Variants in TENM4 observed in about 807,000 individuals in gnomAD.
TENM4 encodes the protein teneurin-4.
In TENM4, 82 loss-of-function variants were observed where a neutral mutation model predicts 243.3. That is an observed-to-expected ratio of 0.34 (90% CI 0.28 to 0.40). The LOEUF is 0.40. TENM4 is among the 10% of genes least tolerant of loss of function. The pLI, the probability that TENM4 is intolerant of heterozygous loss-of-function variation, is 1.00. For synonymous variants in TENM4, 1,412 were observed against 1,456.3 expected, an observed-to-expected ratio of 0.97 and a Z score of 0.69; for missense variants, 3,138 against 3,673.3, an observed-to-expected ratio of 0.85 and a Z score of 3.77.
intron 6 of TENM4, among the ~76,000 whole-genome samples, chr11:78,907,394 G>A (rs1856087778): frequency 6.6e-6 from 1 of 152,082 alleles, no homozygotes; most frequent in Admixed American, 6.5e-5. Context: ...TTTATTGAAT[G>A]CCTATTCTGT....
intron 4 of TENM4, chr11:79,093,432 G>A (rs1337165969): frequency 1.3e-5 from 2 of 152,260 alleles, no homozygotes; most frequent in Non-Finnish European, 2.9e-5. Flanking sequence ...GTGGAGTAGA[G>A]CAACTTTCCC....
At chr11:78,792,738 G>A (rs1349440209) in intron 15 of TENM4, among the ~76,000 whole-genome samples, 1 of 152,200 alleles carries the variant, frequency 6.6e-6, no homozygotes, top group African/African-American at 2.4e-5. Context: ...TCAGTGCCAC[G>A]TTGTACACAG....
intron 20 of TENM4, among the ~76,000 whole-genome samples, chr11:78,734,525 C>T (rs1221057242): frequency 1.3e-5 from 2 of 148,536 alleles, no homozygotes; most frequent in Admixed American, 1.3e-4. Flanking sequence ...TTTCCAGCTT[C>T]TTATTCACTG....
chr11:79,355,755 A>G (rs1857486842), intron 1 of TENM4, among the ~76,000 whole-genome samples: 2 of 152,240 alleles, frequency 1.3e-5, no homozygotes, highest in African/African-American at 4.8e-5. Flanking sequence ...ACAGAAGAGG[A>G]AAACTGAGAC....
intron 3 of TENM4, among the ~76,000 whole-genome samples, chr11:79,182,922 A>T (rs1863311953): frequency 6.6e-6 from 1 of 152,218 alleles, no homozygotes; most frequent in Admixed American, 6.5e-5. Context: ...GCTAGTGAGG[A>T]TGTGGAGCAG....
At chr11:79,260,075 A>G (rs1855770321) in intron 2 of TENM4, among the ~76,000 whole-genome samples, 1 of 152,216 alleles carries the variant, frequency 6.6e-6, no homozygotes, top group Admixed American at 6.5e-5. Flanking sequence ...TTTTTGTAGA[A>G]TGAACAAACA....
In TENM4 at chr11:78,722,954, G is replaced by C. The variant is rs766774412; in HGVS notation, c.3551-37C>G. On this transcript the variant is annotated intron_variant, in intron 23 of 33. Transcript: ENST00000278550. ...AAAGAACAGAATTGCCTGTGGAGCA[G>C]GAAATGGGTATCTTTTCCTGTGGTT... 121 of 1,601,926 alleles carry C rather than the reference G, an allele frequency of 7.6e-5. No individual in the cohort carries two copies. In the South Asian group the frequency reaches 1.1e-3, roughly 15 times the overall value.
chr11:78,963,289 C>A (rs1411752415), intron 6 of TENM4, among the ~76,000 whole-genome samples: 2 of 152,240 alleles, frequency 1.3e-5, no homozygotes, highest in Non-Finnish European at 2.9e-5. Context: ...AAACTCCCAA[C>A]TCTTCAGAAG....
intron 6 of TENM4, among the ~76,000 whole-genome samples, chr11:78,989,754 T>A (rs1857996071): frequency 1.3e-5 from 2 of 151,954 alleles, no homozygotes; most frequent in East Asian, 3.9e-4. Context: ...TAGCGTGGAG[T>A]ATAAAAATGA....
chr11:79,426,651 T>A (rs1859060891), intron 1 of TENM4, among the ~76,000 whole-genome samples: 1 of 152,110 alleles, frequency 6.6e-6, no homozygotes, highest in Non-Finnish European at 1.5e-5. Flanking sequence ...GGCTGAGCTA[T>A]AAGGTATGAA....
intron 9 of TENM4, among the ~76,000 whole-genome samples, chr11:78,869,736 A>G (rs982497266): frequency 6.6e-6 from 1 of 152,312 alleles, no homozygotes; most frequent in Middle Eastern, 3.4e-3. Flanking sequence ...ACAGATCTGA[A>G]TGGTTCCAAA....
chr11:79,329,966 T>C (rs1166086056), intron 1 of TENM4, among the ~76,000 whole-genome samples: 1 of 152,196 alleles, frequency 6.6e-6, no homozygotes, highest in Non-Finnish European at 1.5e-5. Flanking sequence ...CAGAACCTGC[T>C]GAGAAGAGGG....
chr11:78,881,222 GAC>G (rs1353625270), intron 9 of TENM4, among the ~76,000 whole-genome samples: 1 of 152,104 alleles, frequency 6.6e-6, no homozygotes, highest in Non-Finnish European at 1.5e-5. Flanking sequence ...AAGGAATTAT[GAC>G]ACAGGGGAAG....
intron 6 of TENM4, among the ~76,000 whole-genome samples, chr11:79,063,178 C>T (rs1860144834): frequency 6.6e-6 from 1 of 152,154 alleles, no homozygotes; most frequent in African/African-American, 2.4e-5. Context: ...ATACATTTCC[C>T]CCACCTGACC....
At chr11:78,923,876 C>T (rs1856499837) in intron 6 of TENM4, among the ~76,000 whole-genome samples, 1 of 144,930 alleles carries the variant, frequency 6.9e-6, no homozygotes, top group Non-Finnish European at 1.5e-5. Flanking sequence ...CCTTTTGAGA[C>T]AAGAGTCTTA....
At chr11:78,746,571 G>A (rs1268383349) in intron 19 of TENM4, among the ~76,000 whole-genome samples, 1 of 152,204 alleles carries the variant, frequency 6.6e-6, no homozygotes, top group Non-Finnish European at 1.5e-5. Flanking sequence ...CACAAGACCA[G>A]AGCCCTTGAC....
chr11:78,892,656 T>G (rs1489998655), intron 7 of TENM4, among the ~76,000 whole-genome samples: 1 of 152,258 alleles, frequency 6.6e-6, no homozygotes, highest in African/African-American at 2.4e-5. Flanking sequence ...GTATAATAGT[T>G]ACTACCTACC....
intron 1 of TENM4, among the ~76,000 whole-genome samples, chr11:79,345,426 T>G (rs1857310170): frequency 1.3e-5 from 2 of 152,200 alleles, no homozygotes; most frequent in African/African-American, 4.8e-5. Flanking sequence ...TGATTACTAA[T>G]AACAAAAATT....
At chr11:79,220,489 A>T (rs76281767) in intron 2 of TENM4, among the ~76,000 whole-genome samples, 2,388 of 152,256 alleles carry the variant, frequency 0.016, 61 homozygotes, top group African/African-American at 0.054. Context: ...AAAATAATGG[A>T]CTAGAGAGAA....
Sources: gnomAD v4.1 joint callset for allele counts (sites outside exome capture counted in the v4.1 genomes callset) on GRCh38, gnomAD v4.1.1 for gene constraint, MANE v1.5 for transcripts, NCBI Gene and HGNC (gene_info 2026-07-23, HGNC 2026-07-21) for gene names.